The following UNC5C variants were observed in gnomAD, a reference collection of about 807,000 sequenced individuals.
UNC5C encodes netrin receptor UNC5C.
A neutral mutation model predicts 99.8 loss-of-function variants in UNC5C; 47 were observed. The observed-to-expected ratio is 0.47, with a 90% CI of 0.37 to 0.60. The LOEUF is 0.60. Among genes scored for constraint, UNC5C ranks in the 20% least tolerant of loss-of-function variants. The pLI is 0.00. For synonymous variants in UNC5C, 487 were observed against 452.2 expected (o/e 1.08, Z -0.98); for missense variants, 1,062 against 1,165.9 (o/e 0.91, Z 1.30).
At chr4:95,440,914 T>C (rs1746931759) in intron 1 of UNC5C, among the ~76,000 whole-genome samples, 1 of 152,226 alleles carries the variant, frequency 6.6e-6, no homozygotes, top group South Asian at 2.1e-4. Flanking sequence ...TATAATACTC[T>C]TGGGAATTAA....
intron 7 of UNC5C, among the ~76,000 whole-genome samples, chr4:95,224,447 C>A (rs1579245632): frequency 6.6e-6 from 1 of 152,224 alleles, no homozygotes; most frequent in East Asian, 1.9e-4. Flanking sequence ...AATTCCTGTT[C>A]TTGATAGGCA....
intron 1 of UNC5C, among the ~76,000 whole-genome samples, chr4:95,395,489 G>A (rs1745484804): frequency 6.6e-6 from 1 of 152,144 alleles, no homozygotes; most frequent in South Asian, 2.1e-4. Context: ...TTCTCTTAGT[G>A]TCCTCCTCCC....
chr4:95,520,596 ATTTT>A (rs10712546), intron 1 of UNC5C, among the ~76,000 whole-genome samples: 7 of 98,822 alleles, frequency 7.1e-5, no homozygotes, highest in Non-Finnish European at 8.5e-5. Flanking sequence ...ACTATCTAGT[ATTTT>A]TTTTTTTTTT....
intron 14 of UNC5C, among the ~76,000 whole-genome samples, chr4:95,181,700 G>GTTGT (rs1358825489): frequency 1.6e-4 from 24 of 152,118 alleles, no homozygotes; most frequent in African/African-American, 5.3e-4. Context: ...TGTGACTAAA[G>GTTGT]TTGTTTATGA....
At position 95,172,402 on chromosome 4, in the gene UNC5C, G is replaced by A. The variant is rs1434561860; in HGVS notation, c.2452-2070C>T. Among the ~76,000 whole-genome samples the A allele has an allele frequency of 3.3e-5, 5 of 151,876 alleles. No individual in the cohort carries two copies. The East Asian group carries it at 9.7e-4, about 29-fold the overall frequency. On this transcript the variant is annotated intron_variant, in intron 14 of 15. Transcript: ENST00000453304. ...AACGTTTATGTCTTTAATCCATCTC[G>A]AATTGATTTTTGTATAAGGTGTAAG...
At chr4:95,177,559 A>G (rs2149347593) in intron 14 of UNC5C, among the ~76,000 whole-genome samples, 1 of 152,350 alleles carries the variant, frequency 6.6e-6, no homozygotes, top group South Asian at 2.1e-4. Context: ...GCTCACTTCT[A>G]GGCTTATGCA....
rs1723150751 is a variant in UNC5C, at chr4:95,548,835, G to A, written c.23C>T (p.Thr8Ile). The A allele has an allele frequency of 3.1e-6, 5 of 1,613,076 alleles. No homozygotes were observed. The highest frequency in any genetic ancestry group is 4.2e-6 in the Non-Finnish European group (5 of 1,179,892). ...CAGTCCCAGTCCGCAGCGGGCCGCT[G>A]TCGCCCGCAGACCTTTCCTCATCGT... Reference protein sequence around the residue: MRKGLRATAARCGLGLGY... With the variant: MRKGLRAIAARCGLGLGY... Residue 8 changes from threonine to isoleucine, a missense_variant, in exon 1 of 16, where the codon ACA becomes ATA. Thr to Ile is a moderately conservative substitution (Grantham distance 89). This residue lies in a region of UNC5C where 249 missense variants were observed against 295.1 expected (regional missense o/e 0.84). Transcript: ENST00000453304.
At chr4:95,354,479 A>ATATATATATATT in intron 1 of UNC5C, among the ~76,000 whole-genome samples, 1 of 110,352 alleles carries the variant, frequency 9.1e-6, no homozygotes, top group Non-Finnish European at 1.8e-5. Flanking sequence ...ATATATATAT[A>ATATATATATATT]TTTTTTTTTT....
At chr4:95,443,663 T>A (rs1368387242) in intron 1 of UNC5C, among the ~76,000 whole-genome samples, 6 of 152,194 alleles carry the variant, frequency 3.9e-5, no homozygotes, top group Non-Finnish European at 8.8e-5. Flanking sequence ...TTTCAGTTTG[T>A]GCTTTTTTTA....
chr4:95,470,658 T>G (rs918813310), intron 1 of UNC5C, among the ~76,000 whole-genome samples: 1 of 152,158 alleles, frequency 6.6e-6, no homozygotes, highest in African/African-American at 2.4e-5. Flanking sequence ...AAAAGGCTAT[T>G]GCAAAATGCT....
chr4:95,169,182 C>T lies in UNC5C; in HGVS notation c.*52G>A. ...CCTCAGCTGTGATTCACCTGGACGG[C>T]CACAGACTCCCTGTGCATTTTTGTC... On this transcript the variant is annotated 3_prime_UTR_variant, in exon 16 of 16. Transcript: ENST00000453304. The T allele has an allele frequency of 1.2e-6, 2 of 1,601,900 alleles. No individual in the cohort carries two copies. Among genetic ancestry groups the T allele is most frequent in the Non-Finnish European group, 1.7e-6 (2 of 1,171,682 alleles).
chr4:95,442,918 C>T (rs527920463), intron 1 of UNC5C, among the ~76,000 whole-genome samples: 12 of 151,864 alleles, frequency 7.9e-5, no homozygotes, highest in South Asian at 4.2e-4. Context: ...ATAATGGTAA[C>T]GCTGGCAGAT....
chr4:95,319,417 A>T (rs112590601), intron 2 of UNC5C, among the ~76,000 whole-genome samples: 13 of 152,266 alleles, frequency 8.5e-5, no homozygotes, highest in African/African-American at 2.4e-4. Flanking sequence ...CCTTTGATGA[A>T]ATTAGAAATG....
chr4:95,379,773 A>T (rs949852511), intron 1 of UNC5C, among the ~76,000 whole-genome samples: 1 of 152,154 alleles, frequency 6.6e-6, no homozygotes, highest in Non-Finnish European at 1.5e-5. Flanking sequence ...CAGAATAAGA[A>T]CGGCTTGGTA....
intron 10 of UNC5C, among the ~76,000 whole-genome samples, chr4:95,213,148 A>G (rs1738132929): frequency 6.6e-6 from 1 of 152,222 alleles, no homozygotes; most frequent in East Asian, 1.9e-4. Flanking sequence ...TGTATTTGCA[A>G]TTTCTAAATT....
chr4:95,381,522 T>A (rs1745071682), intron 1 of UNC5C, among the ~76,000 whole-genome samples: 2 of 152,282 alleles, frequency 1.3e-5, no homozygotes, highest in South Asian at 4.1e-4. Context: ...GTCCTCCTCC[T>A]CTACCACCAT....
rs115708691 is a variant in UNC5C, at chr4:95,456,591, A to G, written c.124+92143T>C. 6.3e-3 allele frequency among the ~76,000 whole-genome samples: 964 copies of G among 152,254 alleles called. 18 individuals carry two copies. The highest frequency in any genetic ancestry group is 0.022 in the African/African-American group (903 of 41,570). On this transcript the variant is annotated intron_variant, in intron 1 of 15. Coordinates refer to ENST00000453304, the MANE Select transcript of UNC5C (RefSeq NM_003728.4). ...GATAACAGATATTGTTTAATTTAAAAGAAGAAAATTCCTGAAGCCAGACAT... is the reference window on the plus strand; with the variant it reads ...GATAACAGATATTGTTTAATTTAAAGGAAGAAAATTCCTGAAGCCAGACAT...
intron 5 of UNC5C, chr4:95,248,259 C>G (rs1739572310): frequency 7.8e-6 from 2 of 257,294 alleles, no homozygotes; most frequent in Non-Finnish European, 1.5e-5. Flanking sequence ...TAACACAAAT[C>G]AACAGGAGAA....
chr4:95,539,297 CAGTGAA>C (rs1722856847), intron 1 of UNC5C, among the ~76,000 whole-genome samples: 1 of 152,154 alleles, frequency 6.6e-6, no homozygotes, highest in Admixed American at 6.6e-5. Context: ...TGAAACAAGT[CAGTGAA>C]AGTGGAGATC....
Sources: allele counts gnomAD v4.1 joint callset (sites outside exome capture counted in the v4.1 genomes callset), GRCh38; gene constraint gnomAD v4.1.1; regional missense constraint gnomAD v4.1.1; transcripts MANE v1.5; gene names NCBI Gene and HGNC (gene_info 2026-07-23, HGNC 2026-07-21).